The following FER1L6 variants were observed in gnomAD, a reference collection of about 807,000 sequenced individuals.
FER1L6 encodes the protein fer-1-like protein 6.
Under a neutral mutation model 219.2 loss-of-function variants are expected in FER1L6, and 177 were observed. That is an observed-to-expected ratio of 0.81 (90% CI 0.71 to 0.91). The LOEUF (loss-of-function observed/expected upper bound fraction) is 0.91, where lower values mean the gene tolerates loss of function less well. Ranked by LOEUF, FER1L6 falls within the 40% of genes least tolerant of loss-of-function variation. FER1L6 has a pLI of 0.00. For missense variants in FER1L6, 2,153 were observed against 2,259.9 expected (o/e 0.95, Z 0.96); for synonymous variants, 768 against 824.3 (o/e 0.93, Z 1.17).
chr8:123,889,722 G>A (rs1050591700), intron 1 of FER1L6, among the ~76,000 whole-genome samples: 1 of 152,038 alleles, frequency 6.6e-6, no homozygotes, highest in South Asian at 2.1e-4. Flanking sequence ...TTAAATTATA[G>A]ACTTGAGAAG....
intron 15 of FER1L6, among the ~76,000 whole-genome samples, chr8:124,017,221 G>A (rs1818241130): frequency 6.6e-6 from 1 of 151,998 alleles, no homozygotes; most frequent in South Asian, 2.1e-4. Flanking sequence ...CTTTCCTATT[G>A]TTTTTAAATG....
At chr8:124,060,328 C>G (rs1335536117) in intron 23 of FER1L6, 38 bp downstream of exon 23, 1 of 1,594,648 alleles carries the variant, frequency 6.3e-7, no homozygotes, top group Admixed American at 1.7e-5. Context: ...TTCTTTGGCA[C>G]TCAAGGGCAG....
rs1312295422 is a variant in FER1L6, at chr8:124,003,302, C to A, written c.1655C>A (p.Ala552Asp). ...GCCCATGATGTTCCCATTCCTATGG[C>A]CTCCACCACTCACCCGGAGAAGCCA... is the stretch of plus-strand genomic sequence containing the variant. ...DVAHDVPIPMASTTHPEKPLV... is the reference protein window; with the variant it reads ...DVAHDVPIPMDSTTHPEKPLV... Residue 552 changes from alanine to aspartate, a missense_variant, in exon 13 of 41, where the codon GCC (alanine) becomes GAC (aspartate). Ala to Asp is a moderately radical substitution (Grantham distance 126, BLOSUM62 -2). Transcript: ENST00000522917. 6.2e-7 allele frequency: 1 copy of A among 1,613,776 alleles called. No homozygotes were observed. Among genetic ancestry groups the A allele is most frequent in the Admixed American group, 1.7e-5 (1 of 60,014 alleles).
chr8:123,954,495 G>A (rs1814924597), intron 1 of FER1L6, among the ~76,000 whole-genome samples: 1 of 152,176 alleles, frequency 6.6e-6, no homozygotes, highest in African/African-American at 2.4e-5. Context: ...ATAAGTGAAT[G>A]AGTTGAGTGA....
intron 1 of FER1L6, among the ~76,000 whole-genome samples, chr8:123,883,336 G>A (rs11782845): frequency 0.34 from 51,144 of 151,948 alleles, 9,016 homozygotes; most frequent in Middle Eastern, 0.42. Context: ...GGAAGTGGGG[G>A]CAAAAAAGCA....
At chr8:123,927,223 CAGAT>C (rs1328126574) in intron 1 of FER1L6, among the ~76,000 whole-genome samples, 1 of 150,954 alleles carries the variant, frequency 6.6e-6, no homozygotes, top group Non-Finnish European at 1.5e-5. Context: ...AGAAGTGAGT[CAGAT>C]AGCTCAACAA....
chr8:124,068,761 C>T (rs1465709111), intron 28 of FER1L6, among the ~76,000 whole-genome samples: 2 of 152,188 alleles, frequency 1.3e-5, no homozygotes, highest in East Asian at 3.9e-4. Context: ...CCCACTGGCC[C>T]ATAGATTAGG....
rs1044689781 is a variant in FER1L6 at position 123,956,023 on chromosome 8, A to G, written c.25A>G (p.Lys9Glu). The G allele has an allele frequency of 1.2e-6, 2 of 1,612,132 alleles. No individual in the cohort carries two copies. Among genetic ancestry groups the G allele is most frequent in the African/African-American group, 1.3e-5 (1 of 74,816 alleles). ...GATGTTTGGGCTGAAGGTGAAGAAGAAGAGAAATAAGGCAGAGAAGGGGTT... is the reference window on the plus strand; with the variant it reads ...GATGTTTGGGCTGAAGGTGAAGAAGGAGAGAAATAAGGCAGAGAAGGGGTT... MFGLKVKK[K>E]RNKAEKGLIL... The change falls in exon 2 of 41, where the codon AAG (lysine) becomes GAG (glutamate). Residue 9 changes from lysine (K) to glutamate (E), a missense_variant. Transcript: ENST00000522917.
chr8:124,003,495 G>A (rs1311616417), intron 13 of FER1L6, 148 bp downstream of exon 13: 9 of 576,536 alleles, frequency 1.6e-5, no homozygotes, highest in African/African-American at 2.5e-5. Flanking sequence ...ACGGAGTCTT[G>A]CTTGGTCACC....
At chr8:123,995,273 G>A (rs1817074696) in intron 12 of FER1L6, among the ~76,000 whole-genome samples, 1 of 152,172 alleles carries the variant, frequency 6.6e-6, no homozygotes, top group African/African-American at 2.4e-5. Context: ...TAAATGTTTG[G>A]TGAATTTCAG....
At chr8:123,957,555 T>G (rs1021231496) in intron 2 of FER1L6, among the ~76,000 whole-genome samples, 8 of 152,190 alleles carry the variant, frequency 5.3e-5, no homozygotes, top group Non-Finnish European at 1.2e-4. Flanking sequence ...AAAAGTAGAT[T>G]CTTTTGCCCC....
chr8:123,998,729 C>T (rs1046896766), intron 12 of FER1L6, among the ~76,000 whole-genome samples: 1 of 152,234 alleles, frequency 6.6e-6, no homozygotes, highest in East Asian at 1.9e-4. Flanking sequence ...TAGAAATCTA[C>T]CTGGTTTTCT....
chr8:123,955,254 G>A (rs946774086), intron 1 of FER1L6, among the ~76,000 whole-genome samples: 1 of 152,144 alleles, frequency 6.6e-6, no homozygotes, highest in African/African-American at 2.4e-5. Context: ...GGGCAACAGA[G>A]CAAGACTCCA....
chr8:124,048,309 T>C (rs185824585), intron 21 of FER1L6, among the ~76,000 whole-genome samples: 13 of 152,294 alleles, frequency 8.5e-5, no homozygotes, highest in Non-Finnish European at 1.5e-5. Flanking sequence ...TCCAACAGCT[T>C]TCACTCAGCC....
At chr8:124,084,818 G>GT (rs1164780855) in intron 33 of FER1L6, among the ~76,000 whole-genome samples, 1 of 151,864 alleles carries the variant, frequency 6.6e-6, no homozygotes, top group Non-Finnish European at 1.5e-5. Flanking sequence ...CTTTTTCTTT[G>GT]TTTTTCAGAT....
chr8:124,070,313 C>T (rs538018662), intron 29 of FER1L6, among the ~76,000 whole-genome samples, 154 bp from the exon 30 acceptor site: 4 of 152,302 alleles, frequency 2.6e-5, no homozygotes, highest in South Asian at 4.1e-4. Context: ...AGCCAATCCA[C>T]GTTCCTTATC....
intron 1 of FER1L6, among the ~76,000 whole-genome samples, chr8:123,905,627 C>A (rs1404448885): frequency 6.6e-6 from 1 of 152,162 alleles, no homozygotes; most frequent in Non-Finnish European, 1.5e-5. Flanking sequence ...CTGGTGCTAC[C>A]AAGTGTGTAG....
chr8:124,117,503 T>C (rs1823297190), intron 39 of FER1L6, among the ~76,000 whole-genome samples: 1 of 152,254 alleles, frequency 6.6e-6, no homozygotes, highest in Non-Finnish European at 1.5e-5. Context: ...AATGAAAGAC[T>C]ACATATATAC....
At chr8:123,913,332 TCACA>T (rs149108573) in intron 1 of FER1L6, among the ~76,000 whole-genome samples, 33,079 of 152,024 alleles carry the variant, frequency 0.22, 4,092 homozygotes, top group East Asian at 0.42. Context: ...AATAATTTAT[TCACA>T]CACACACATA....
Sources: gnomAD v4.1 joint callset for allele counts (sites outside exome capture counted in the v4.1 genomes callset) on GRCh38, gnomAD v4.1.1 for gene constraint, MANE v1.5 for transcripts, NCBI Gene and HGNC (gene_info 2026-07-23, HGNC 2026-07-21) for gene names.